Variants in DNM3 observed in about 807,000 individuals in gnomAD.
DNM3 encodes dynamin-3.
In DNM3, 47 loss-of-function variants were observed where a neutral mutation model predicts 101.6. That is an observed-to-expected ratio of 0.46 (90% CI 0.37 to 0.59). The LOEUF (loss-of-function observed/expected upper bound fraction) is 0.59, where lower values mean the gene tolerates loss of function less well. Ranked by LOEUF, DNM3 falls within the 20% of genes least tolerant of loss-of-function variation. The pLI is 0.00. For missense variants in DNM3, 849 were observed against 1,085.7 expected (o/e 0.78, Z 3.06); for synonymous variants, 385 against 387.9 (o/e 0.99, Z 0.09).
At chr1:172,394,584 A>G (rs1452531193) in intron 20 of DNM3, among the ~76,000 whole-genome samples, 1 of 152,204 alleles carries the variant, frequency 6.6e-6, no homozygotes, top group Non-Finnish European at 1.5e-5. Flanking sequence ...GACAAATAAT[A>G]GCAAATAGCT....
chr1:172,068,456 T>A (rs139074861), intron 10 of DNM3, among the ~76,000 whole-genome samples: 1 of 152,344 alleles, frequency 6.6e-6, no homozygotes, highest in East Asian at 1.9e-4. Flanking sequence ...GTAGACACTA[T>A]ATAAAATGTT....
chr1:172,035,582 G>A (rs918210017), intron 6 of DNM3, among the ~76,000 whole-genome samples: 6 of 152,188 alleles, frequency 3.9e-5, no homozygotes, highest in Non-Finnish European at 8.8e-5. Flanking sequence ...AGGGGAAGAA[G>A]TGTTTTAGAA....
chr1:171,973,794 G>A (rs2044184085), intron 2 of DNM3, among the ~76,000 whole-genome samples: 1 of 151,548 alleles, frequency 6.6e-6, no homozygotes, highest in Admixed American at 6.6e-5. Context: ...CTTCCAAATA[G>A]TTGGGTCTAC....
intron 14 of DNM3, among the ~76,000 whole-genome samples, chr1:172,142,794 G>A (rs997221786): frequency 6.7e-6 from 1 of 148,190 alleles, no homozygotes; most frequent in East Asian, 2.0e-4. Context: ...TACCTTGTTA[G>A]CTATTTTTCC....
chr1:172,120,113 A>T (rs1437632934), intron 13 of DNM3, among the ~76,000 whole-genome samples: 2 of 152,164 alleles, frequency 1.3e-5, no homozygotes, highest in African/African-American at 2.4e-5. Context: ...TCACACTGCT[A>T]ATAAAGATAT....
In DNM3 at chr1:172,269,201, C is replaced by T. The variant is rs188623613; in HGVS notation, c.1769+15519C>T. ...ACTGTGTTGATGAATGAGCCCAACA[C>T]GGCTATGTAAAGTTCAAGAACAAAA... On this transcript the variant is annotated intron_variant, in intron 15 of 20. Coordinates refer to ENST00000627582, the MANE Select transcript of DNM3 (RefSeq NM_015569.5). Among the ~76,000 whole-genome samples, 30 of 152,304 alleles carry T rather than the reference C, an allele frequency of 2.0e-4. 1 individual carries two copies. The highest frequency in any genetic ancestry group is 1.7e-3 in the Admixed American group (26 of 15,292).
At chr1:172,347,503 AG>A (rs1173524516) in intron 17 of DNM3, among the ~76,000 whole-genome samples, 2 of 152,328 alleles carry the variant, frequency 1.3e-5, no homozygotes, top group East Asian at 3.9e-4. Context: ...AATGACTTCT[AG>A]AAATAAAATA....
In DNM3 at chr1:171,976,107, T is replaced by C. The variant is rs1384742550; in HGVS notation, c.236-11549T>C. Among the ~76,000 whole-genome samples the C allele has an allele frequency of 9.3e-4, 141 of 152,184 alleles. 2 individuals are homozygous for C. Among genetic ancestry groups the C allele is most frequent in the Admixed American group, 9.2e-3 (141 of 15,270 alleles). On this transcript the variant is annotated intron_variant, in intron 2 of 20. Coordinates refer to ENST00000627582, the MANE Select transcript of DNM3 (RefSeq NM_015569.5). Reference sequence around the variant, plus strand: ...GTAGACAATGGATTTTAGACAAAGGTACAAAGGCAATTCAGTGGAGAAATG... The same window carrying C: ...GTAGACAATGGATTTTAGACAAAGGCACAAAGGCAATTCAGTGGAGAAATG...
At chr1:171,900,656 A>G (rs1268014213) in intron 1 of DNM3, among the ~76,000 whole-genome samples, 3 of 152,068 alleles carry the variant, frequency 2.0e-5, no homozygotes, top group African/African-American at 7.2e-5. Flanking sequence ...TTCCTTTAAG[A>G]AGCTTGTCTG....
chr1:171,856,053 A>G (rs967886308), intron 1 of DNM3, among the ~76,000 whole-genome samples: 6 of 152,190 alleles, frequency 3.9e-5, no homozygotes, highest in Non-Finnish European at 7.3e-5. Flanking sequence ...ATATGGTGTA[A>G]GGAAGGGGTC....
intron 13 of DNM3, among the ~76,000 whole-genome samples, chr1:172,108,767 C>G (rs1204839092): frequency 6.6e-6 from 1 of 152,176 alleles, no homozygotes; most frequent in Admixed American, 6.5e-5. Flanking sequence ...TGAAGCTTTG[C>G]ACTGTACACT....
At chr1:171,894,627 G>A (rs940531926) in intron 1 of DNM3, among the ~76,000 whole-genome samples, 3 of 152,040 alleles carry the variant, frequency 2.0e-5, no homozygotes, top group Non-Finnish European at 4.4e-5. Context: ...GGGTACATGT[G>A]CACAATGTGC....
chr1:172,128,444 G>A (rs956980400), intron 13 of DNM3, among the ~76,000 whole-genome samples: 14 of 152,072 alleles, frequency 9.2e-5, no homozygotes, highest in Non-Finnish European at 1.8e-4. Flanking sequence ...TTCTAAAACA[G>A]CACACAGTTC....
intron 1 of DNM3, chr1:171,864,347 T>C (rs1425459639): frequency 6.6e-6 from 1 of 152,226 alleles, no homozygotes; most frequent in African/African-American, 2.4e-5. Context: ...ACATTTGGTG[T>C]AGAAGGAAAA....
At chr1:171,876,063 C>T (rs1200450188) in intron 1 of DNM3, among the ~76,000 whole-genome samples, 1 of 152,004 alleles carries the variant, frequency 6.6e-6, no homozygotes, top group Non-Finnish European at 1.5e-5. Context: ...CCCCCCTCGG[C>T]CTCGCAAAGT....
intron 2 of DNM3, among the ~76,000 whole-genome samples, chr1:171,942,228 G>A (rs927233005): frequency 7.2e-5 from 5 of 69,592 alleles, no homozygotes; most frequent in African/African-American, 2.2e-4. Flanking sequence ...TTTTTTTATG[G>A]AATAAGGGAT....
chr1:172,077,304 GTC>G (rs749593092), intron 11 of DNM3, among the ~76,000 whole-genome samples: 3 of 151,932 alleles, frequency 2.0e-5, no homozygotes, highest in Non-Finnish European at 2.9e-5. Context: ...GGGTTTTCGT[GTC>G]TCTGTCTCCT....
At chr1:172,266,863 G>C (rs2062879977) in intron 15 of DNM3, among the ~76,000 whole-genome samples, 1 of 152,088 alleles carries the variant, frequency 6.6e-6, no homozygotes. Flanking sequence ...AGAGTTCATT[G>C]TACTGTTTCT....
At chr1:172,287,864 C>A (rs1276430400) in intron 15 of DNM3, among the ~76,000 whole-genome samples, 1 of 151,528 alleles carries the variant, frequency 6.6e-6, no homozygotes, top group Non-Finnish European at 1.5e-5. Context: ...TGCTCTGTTG[C>A]CAGGCTGTGG....
Sources: allele counts gnomAD v4.1 joint callset (sites outside exome capture counted in the v4.1 genomes callset), GRCh38; gene constraint gnomAD v4.1.1; transcripts MANE v1.5; gene names NCBI Gene and HGNC (gene_info 2026-07-23, HGNC 2026-07-21).